The following KCNK2 variants were observed in gnomAD, a reference collection of about 807,000 sequenced individuals.
KCNK2 encodes the protein potassium two pore domain channel subfamily K member 2.
KCNK2 carries 21 observed loss-of-function variants against 40.5 expected under a neutral mutation model. The ratio of observed to expected loss-of-function variants is 0.52; its 90% CI spans 0.37 to 0.75. The LOEUF is 0.75. Among genes scored for constraint, KCNK2 ranks in the 30% least tolerant of loss-of-function variants. The pLI is 0.00. For missense variants in KCNK2, 399 were observed against 531.6 expected (o/e 0.75, Z 2.45); for synonymous variants, 191 against 202.2 (o/e 0.94, Z 0.47).
chr1:215,145,673 A>C (rs774318536), intron 3 of KCNK2, among the ~76,000 whole-genome samples: 6 of 152,152 alleles, frequency 3.9e-5, no homozygotes, highest in Non-Finnish European at 7.4e-5. Context: ...TTTATGGTTT[A>C]TTGTTTGATG....
At chr1:215,006,608 G>A (rs61819978) in intron 1 of KCNK2, among the ~76,000 whole-genome samples, 1,617 of 152,202 alleles carry the variant, frequency 0.011, 24 homozygotes, top group South Asian at 0.074. Flanking sequence ...TCTTAGAAAT[G>A]TGAATAAAAC....
chr1:215,044,872 A>G (rs1657704540), intron 1 of KCNK2, among the ~76,000 whole-genome samples: 1 of 151,622 alleles, frequency 6.6e-6, no homozygotes, highest in Non-Finnish European at 1.5e-5. Flanking sequence ...GAATTTCTTA[A>G]AAGATTAACA....
chr1:215,168,432 A>C (rs974050180), intron 3 of KCNK2, among the ~76,000 whole-genome samples: 1 of 152,222 alleles, frequency 6.6e-6, no homozygotes, highest in Non-Finnish European at 1.5e-5. Flanking sequence ...TATTTACAAT[A>C]TCAAAGTCAT....
At chr1:215,071,392 A>G (rs1658753015) in intron 1 of KCNK2, among the ~76,000 whole-genome samples, 1 of 152,196 alleles carries the variant, frequency 6.6e-6, no homozygotes, top group South Asian at 2.1e-4. Context: ...AGTGCTTTCT[A>G]TAATATCAAG....
chr1:215,080,730 T>C (rs1158209882), upstream of KCNK2, among the ~76,000 whole-genome samples: 1 of 152,066 alleles, frequency 6.6e-6, no homozygotes, highest in Non-Finnish European at 1.5e-5. Flanking sequence ...GGGAAGCAAA[T>C]AGTAAAACAC....
chr1:215,007,632 C>T (rs575506391), intron 1 of KCNK2, among the ~76,000 whole-genome samples: 2 of 152,184 alleles, frequency 1.3e-5, no homozygotes, highest in Non-Finnish European at 2.9e-5. Context: ...ACATGTCCTT[C>T]TGCTGCCACA....
At chr1:215,050,129 C>T (rs1373706166) in intron 1 of KCNK2, among the ~76,000 whole-genome samples, 2 of 151,964 alleles carry the variant, frequency 1.3e-5, no homozygotes, top group African/African-American at 4.8e-5. Flanking sequence ...GTCTTCTAAC[C>T]CATGAAATTC....
At chr1:215,125,146 T>C (rs978581789) in intron 3 of KCNK2, among the ~76,000 whole-genome samples, 1 of 152,206 alleles carries the variant, frequency 6.6e-6, no homozygotes. Context: ...CCTTTTCGAA[T>C]TTGTAAATTT....
At chr1:215,212,297 G>A (rs1326274273) in intron 6 of KCNK2, among the ~76,000 whole-genome samples, 5 of 151,916 alleles carry the variant, frequency 3.3e-5, no homozygotes, top group African/African-American at 7.3e-5. Flanking sequence ...CACTTCCTAC[G>A]TATGAAATGC....
At chr1:215,166,957 C>G (rs1253067264) in intron 3 of KCNK2, among the ~76,000 whole-genome samples, 1 of 151,596 alleles carries the variant, frequency 6.6e-6, no homozygotes, top group Non-Finnish European at 1.5e-5. Flanking sequence ...GGCATAAGAA[C>G]AGGCTAATGG....
chr1:215,177,774 G>A (rs1314867207), intron 5 of KCNK2, among the ~76,000 whole-genome samples: 2 of 123,018 alleles, frequency 1.6e-5, no homozygotes, highest in Non-Finnish European at 3.3e-5. Flanking sequence ...ATGCTGTTTC[G>A]GTTACTCTAC....
chr1:215,083,212 CCGCGTCCAGCCCCGCTCT>C lies in KCNK2; in HGVS notation c.-172_-155del. The stretch of plus-strand genomic sequence containing the variant: ...CTCACGCTCCCCCCCCCGCCCCCTC[CCGCGTCCAGCCCCGCTCT>C]CCCCACCTTGTAAAACAAAGCCGGG... On this transcript the variant is annotated 5_prime_UTR_variant, in exon 1 of 7. Transcript: ENST00000444842. The C allele has an allele frequency of 7.3e-7, 1 of 1,369,162 alleles. No individual in the cohort carries two copies. The highest frequency in any genetic ancestry group is 2.7e-5 in the East Asian group (1 of 36,974). 84.8% of individuals were successfully genotyped at this position (1,369,162 alleles called of 1,614,324 possible). A position where few individuals can be genotyped will look rare whatever the true frequency, so the allele number is the denominator to read the frequency against.
intron 1 of KCNK2, among the ~76,000 whole-genome samples, chr1:215,038,816 C>G (rs1184408940): frequency 6.6e-6 from 1 of 152,092 alleles, no homozygotes; most frequent in African/African-American, 2.4e-5. Flanking sequence ...CCCAGCACTT[C>G]TGCTTTTTGA....
intron 1 of KCNK2, among the ~76,000 whole-genome samples, chr1:215,076,752 A>G (rs1658954421): frequency 6.6e-6 from 1 of 152,196 alleles, no homozygotes. Flanking sequence ...GGGCCTGAAT[A>G]CTATGAGGCA....
At chr1:215,145,982 G>A (rs1459972618) in intron 3 of KCNK2, among the ~76,000 whole-genome samples, 2 of 151,956 alleles carry the variant, frequency 1.3e-5, no homozygotes, top group African/African-American at 2.4e-5. Context: ...ATTTTATTAC[G>A]CCTTGAACAG....
chr1:215,154,186 G>C (rs1248172818), intron 3 of KCNK2, among the ~76,000 whole-genome samples: 1 of 152,138 alleles, frequency 6.6e-6, no homozygotes, highest in Non-Finnish European at 1.5e-5. Context: ...CTGCCACAAT[G>C]GTTGAACTAA....
intron 1 of KCNK2, among the ~76,000 whole-genome samples, chr1:215,060,716 GTTC>G (rs949980382): frequency 1.3e-5 from 2 of 152,040 alleles, no homozygotes; most frequent in Middle Eastern, 6.3e-3. Flanking sequence ...CTCATTCTTT[GTTC>G]TGATGACTTG....
chr1:215,174,595 A>C (rs961017775), intron 5 of KCNK2, among the ~76,000 whole-genome samples: 81 of 152,150 alleles, frequency 5.3e-4, no homozygotes, highest in Non-Finnish European at 1.1e-3. Context: ...GATTCTTCCT[A>C]TCCATGAGCA....
rs185007355 is a variant in KCNK2, at chr1:215,035,139, T to A, written c.34+29184T>A. ...CATAATTTTGTCTTTGTACTTATAG[T>A]ATCCAGTAAAAACAATTTCCCAAAG... is the stretch of plus-strand genomic sequence containing the variant. On this transcript the variant is annotated intron_variant, in intron 1 of 6. Transcript: ENST00000391895. 9.2e-5 allele frequency among the ~76,000 whole-genome samples: 14 copies of A among 152,256 alleles called. No individual in the cohort carries two copies. In the East Asian group the frequency reaches 2.5e-3, roughly 27 times the overall value.
Sources: allele counts gnomAD v4.1 joint callset (sites outside exome capture counted in the v4.1 genomes callset), GRCh38; gene constraint gnomAD v4.1.1; transcripts MANE v1.5; gene names NCBI Gene and HGNC (gene_info 2026-07-23, HGNC 2026-07-21).